The following DAAM2 variants were observed in gnomAD, a reference collection of about 807,000 sequenced individuals.
The protein encoded by DAAM2 is disheveled-associated activator of morphogenesis 2.
Under a neutral mutation model 120.7 loss-of-function variants are expected in DAAM2, and 39 were observed. That is an observed-to-expected ratio of 0.32 (90% CI 0.25 to 0.42). The LOEUF (loss-of-function observed/expected upper bound fraction) is 0.42, where lower values mean the gene tolerates loss of function less well. Among genes scored for constraint, DAAM2 ranks in the 10% least tolerant of loss-of-function variants. The pLI is 1.00. For synonymous variants in DAAM2, 488 were observed against 524.9 expected, an observed-to-expected ratio of 0.93 and a Z score of 0.96; for missense variants, 1,283 against 1,401.7, an observed-to-expected ratio of 0.92 and a Z score of 1.35.
chr6:39,891,105 A>AG (rs1765687504), intron 17 of DAAM2, among the ~76,000 whole-genome samples: 1 of 150,850 alleles, frequency 6.6e-6, no homozygotes, highest in Non-Finnish European at 1.5e-5. Flanking sequence ...AAAAAAAAAA[A>AG]GAAAGAAATA....
At position 39,904,446 on chromosome 6, in the gene DAAM2, G is replaced by A. The variant is rs188855912; in HGVS notation, c.*2409G>A. 2 of 454,598 alleles carry A rather than the reference G, an allele frequency of 4.4e-6. No homozygotes were observed. The highest frequency in any genetic ancestry group is 2.3e-5 in the Admixed American group (1 of 42,558). The allele number at this position is 454,598 out of a possible 1,614,324, so 28.2% of individuals were successfully genotyped here. On this transcript the variant is annotated 3_prime_UTR_variant, in exon 25 of 25. Coordinates refer to ENST00000274867, the MANE Select transcript of DAAM2 (RefSeq NM_001201427.2). ...CCTTAATAGGTTGTTTCTTGGTCTT[G>A]CTTTCTTCATGCCCTCCCCACTGCT...
At chr6:39,894,973 G>A (rs1324721729) in intron 19 of DAAM2, among the ~76,000 whole-genome samples, 1 of 152,078 alleles carries the variant, frequency 6.6e-6, no homozygotes, top group Non-Finnish European at 1.5e-5. Context: ...TTAGGCTGGT[G>A]ACTTTTGCTC....
intron 11 of DAAM2, among the ~76,000 whole-genome samples, chr6:39,877,248 T>A (rs1003885729): frequency 6.6e-6 from 1 of 152,146 alleles, no homozygotes; most frequent in African/African-American, 2.4e-5. Context: ...CCTCATGCCA[T>A]CTCTTGTGCC....
intron 1 of DAAM2, among the ~76,000 whole-genome samples, chr6:39,832,888 T>G (rs144872243): frequency 6.6e-6 from 1 of 152,226 alleles, no homozygotes; most frequent in African/African-American, 2.4e-5. Flanking sequence ...CTGCTGAAGC[T>G]TAGGTCTTCC....
chr6:39,828,686 C>T (rs1380498247), intron 1 of DAAM2, among the ~76,000 whole-genome samples: 1 of 151,756 alleles, frequency 6.6e-6, no homozygotes, highest in Non-Finnish European at 1.5e-5. Flanking sequence ...CCTCAGCCTC[C>T]CGGGTAGCTG....
At chr6:39,895,685 C>A (rs1377459140) in intron 19 of DAAM2, among the ~76,000 whole-genome samples, 1 of 151,820 alleles carries the variant, frequency 6.6e-6, no homozygotes, top group Non-Finnish European at 1.5e-5. Context: ...ATTCAAAAAT[C>A]ATATTCCGTA....
rs1462746839 is a variant in DAAM2 at position 39,870,381 on chromosome 6, G to C, written c.915G>C (p.Leu305=). The part of the protein sequence containing the change: ...EFRLHLRYEF[L]MLGIQPVIDK... ...GCCTACATCTACGGTATGAATTCCT[G>C]ATGCTGGGTATACAGCCTGTGATTG... is the stretch of plus-strand genomic sequence containing the variant. Residue 305 remains leucine, a synonymous_variant, in exon 8 of 25, where the codon CTG becomes CTC. Coordinates refer to ENST00000274867, the MANE Select transcript of DAAM2 (RefSeq NM_001201427.2). 5 of 1,586,986 alleles carry C rather than the reference G, an allele frequency of 3.2e-6. No individual in the cohort carries two copies. The highest frequency in any genetic ancestry group is 1.8e-5 in the Admixed American group (1 of 56,512).
chr6:39,804,777 G>A (rs910743904), intron 1 of DAAM2, among the ~76,000 whole-genome samples: 10 of 152,176 alleles, frequency 6.6e-5, no homozygotes, highest in South Asian at 6.2e-4. Flanking sequence ...GAAGTGAGCC[G>A]GAAGGTGTAA....
At chr6:39,892,313 C>T (rs1423770598) in intron 19 of DAAM2, among the ~76,000 whole-genome samples, 4 of 152,180 alleles carry the variant, frequency 2.6e-5, no homozygotes, top group Non-Finnish European at 5.9e-5. Context: ...TCACAGCAAT[C>T]GCACGGGTGG....
intron 1 of DAAM2, among the ~76,000 whole-genome samples, chr6:39,848,309 A>G (rs560212175): frequency 2.0e-5 from 3 of 152,134 alleles, no homozygotes; most frequent in Non-Finnish European, 2.9e-5. Flanking sequence ...TATACATGGC[A>G]TTTACTCGGT....
At chr6:39,868,736 G>C in intron 6 of DAAM2, 87 bp from the exon 7 acceptor site, 1 of 932,292 alleles carries the variant, frequency 1.1e-6, no homozygotes, top group South Asian at 1.5e-5. Flanking sequence ...ATTCTAGGTA[G>C]TGGAGGCGAC....
In DAAM2 at chr6:39,888,700, G is replaced by A; in HGVS notation, c.2082G>A (p.Glu694=). ...LLSKLKLSNE[E]IRQAILKMDE... ...TTAGGTTGAAGCTTTCTAACGAGGA[G>A]ATCCGGCAGGCCATCTTGAAGATGG... Residue 694 remains glutamate (E), a synonymous_variant, in exon 17 of 25, where the codon GAG becomes GAA. Coordinates refer to ENST00000274867, the MANE Select transcript of DAAM2 (RefSeq NM_001201427.2). 2 of 1,613,476 alleles carry A rather than the reference G, an allele frequency of 1.2e-6. No individual in the cohort carries two copies. Among genetic ancestry groups the A allele is most frequent in the Non-Finnish European group, 1.7e-6 (2 of 1,179,560 alleles).
chr6:39,878,629 C>T lies in DAAM2; in HGVS notation c.1545+41C>T. On this transcript the variant is annotated intron_variant, in intron 13 of 24. Coordinates refer to ENST00000274867, the MANE Select transcript of DAAM2 (RefSeq NM_001201427.2). The surrounding 1 kb of genome is among the most constrained non-coding windows in gnomAD (Gnocchi z 5.0). ...CCCCTTTACATAGTTGAGCCAAGAC[C>T]CTGGGCTTCAGGACTGGGTGGGCAG... 6.4e-7 allele frequency: 1 copy of T among 1,557,526 alleles called. No individual in the cohort carries two copies. The highest frequency in any genetic ancestry group is 8.7e-7 in the Non-Finnish European group (1 of 1,150,446).
intron 1 of DAAM2, among the ~76,000 whole-genome samples, chr6:39,829,606 G>A (rs1395361115): frequency 6.6e-6 from 1 of 152,098 alleles, no homozygotes; most frequent in East Asian, 1.9e-4. Flanking sequence ...ATGTCTGTGG[G>A]ATAACAAAAA....
At chr6:39,819,238 A>T (rs1371240430) in intron 1 of DAAM2, 2 of 152,306 alleles carry the variant, frequency 1.3e-5, no homozygotes, top group African/African-American at 2.4e-5. Context: ...AGGTTGGAGC[A>T]CAGGGAGGCC....
intron 10 of DAAM2, among the ~76,000 whole-genome samples, chr6:39,874,091 T>C (rs1764774485): frequency 6.6e-6 from 1 of 152,234 alleles, no homozygotes; most frequent in Admixed American, 6.5e-5. Flanking sequence ...GTGCCAACTC[T>C]GGGCCAGGCG....
At chr6:39,867,399 A>T in intron 5 of DAAM2, 111 bp from the exon 6 acceptor site, 1 of 937,920 alleles carries the variant, frequency 1.1e-6, no homozygotes, top group Non-Finnish European at 1.6e-6. Context: ...CCAAGTGGCT[A>T]CTGTAGGTGG....
chr6:39,797,165 G>A (rs1003460128), intron 1 of DAAM2, among the ~76,000 whole-genome samples: 9 of 152,160 alleles, frequency 5.9e-5, no homozygotes, highest in African/African-American at 1.7e-4. Context: ...AAGGCCACTA[G>A]CTCACTCACC....
chr6:39,843,384 G>T lies in DAAM2; in HGVS notation c.-56-12863G>T, dbSNP rs11750958. On this transcript the variant is annotated intron_variant, in intron 1 of 24. Coordinates refer to ENST00000274867, the MANE Select transcript of DAAM2 (RefSeq NM_001201427.2). ...AGTTACTGAGATGTAGATCAACGCC[G>T]CTTGAACAGGAAGCCACCCCAGATT... Among the ~76,000 whole-genome samples the T allele has an allele frequency of 5.3e-5, 8 of 152,138 alleles. No individual in the cohort carries two copies. In the South Asian group the frequency reaches 1.7e-3, roughly 32 times the overall value.
Sources: allele counts gnomAD v4.1 joint callset (sites outside exome capture counted in the v4.1 genomes callset), GRCh38; gene constraint gnomAD v4.1.1; non-coding constraint Gnocchi (gnomAD v3.1); transcripts MANE v1.5; gene names NCBI Gene and HGNC (gene_info 2026-07-23, HGNC 2026-07-21).